Variants in CPNE8 observed in about 807,000 individuals in gnomAD.
CPNE8 encodes copine-8.
In CPNE8, 45 loss-of-function variants were observed where a neutral mutation model predicts 81.5. The observed-to-expected ratio is 0.55, with a 90% CI of 0.44 to 0.71. CPNE8 has a LOEUF of 0.71. CPNE8 is among the 30% of genes least tolerant of loss of function. The probability of loss-of-function intolerance (pLI) is 0.00; values close to 1 mark genes in which losing one functional copy is unlikely to be tolerated. For missense variants in CPNE8, 594 were observed against 672.1 expected, an observed-to-expected ratio of 0.88 and a Z score of 1.28; for synonymous variants, 252 against 226.3, an observed-to-expected ratio of 1.11 and a Z score of -1.02.
chr12:38,698,882 C>T (rs1939861698), intron 14 of CPNE8, among the ~76,000 whole-genome samples: 1 of 152,170 alleles, frequency 6.6e-6, no homozygotes, highest in African/African-American at 2.4e-5. Flanking sequence ...CTTCTGGATC[C>T]TTTGCAATTT....
At chr12:38,891,073 G>A (rs190982316) in intron 1 of CPNE8, among the ~76,000 whole-genome samples, 105 of 151,920 alleles carry the variant, frequency 6.9e-4, no homozygotes, top group African/African-American at 2.3e-3. Context: ...GGGATTATGG[G>A]CACCCACCAC....
intron 17 of CPNE8, among the ~76,000 whole-genome samples, 163 bp from the exon 18 acceptor site, chr12:38,675,937 T>G (rs1339380142): frequency 6.6e-6 from 1 of 150,448 alleles, no homozygotes; most frequent in African/African-American, 2.4e-5. Flanking sequence ...CTGGGCAACA[T>G]AGTGAGACCC....
intron 6 of CPNE8, among the ~76,000 whole-genome samples, chr12:38,793,022 C>G (rs1206126548): frequency 6.6e-6 from 1 of 151,656 alleles, no homozygotes; most frequent in East Asian, 1.9e-4. Context: ...AAGCATTTGA[C>G]AAAATTCCAG....
intron 13 of CPNE8, among the ~76,000 whole-genome samples, chr12:38,705,542 C>G (rs1940083150): frequency 6.6e-6 from 1 of 152,110 alleles, no homozygotes; most frequent in African/African-American, 2.4e-5. Context: ...TGGAGCATAA[C>G]ACTAACCAGC....
intron 11 of CPNE8, among the ~76,000 whole-genome samples, chr12:38,727,610 C>A (rs1940733335): frequency 6.6e-6 from 1 of 152,112 alleles, no homozygotes. Flanking sequence ...AAAGCCTGCT[C>A]AGAGGGAAAT....
At chr12:38,832,774 ACCTGCCT>A (rs1943310467) in intron 5 of CPNE8, among the ~76,000 whole-genome samples, 1 of 152,042 alleles carries the variant, frequency 6.6e-6, no homozygotes, top group African/African-American at 2.4e-5. Context: ...CAGGTGATCC[ACCTGCCT>A]CAGCCTCCCA....
chr12:38,666,835 A>G (rs553929379), intron 19 of CPNE8, among the ~76,000 whole-genome samples: 4 of 152,264 alleles, frequency 2.6e-5, no homozygotes, highest in South Asian at 2.1e-4. Context: ...TTCACTTCTA[A>G]TTAGCTGGGT....
At chr12:38,712,506 C>G (rs1382691753) in intron 13 of CPNE8, among the ~76,000 whole-genome samples, 1 of 152,126 alleles carries the variant, frequency 6.6e-6, no homozygotes, top group Non-Finnish European at 1.5e-5. Context: ...AACCACCATG[C>G]CCAGGCTGCC....
At chr12:38,673,994 T>C (rs1386267610) in intron 18 of CPNE8, among the ~76,000 whole-genome samples, 1 of 152,166 alleles carries the variant, frequency 6.6e-6, no homozygotes, top group African/African-American at 2.4e-5. Context: ...TCTCAAATTC[T>C]GCATTGCTAG....
At chr12:38,854,583 G>GATTT (rs1272280737) in intron 3 of CPNE8, among the ~76,000 whole-genome samples, 1 of 151,928 alleles carries the variant, frequency 6.6e-6, no homozygotes, top group East Asian at 1.9e-4. Context: ...TCGTAGGTGG[G>GATTT]ATTTATCCCT....
intron 16 of CPNE8, 32 bp from the exon 17 acceptor site, chr12:38,677,586 AAC>A: frequency 7.8e-7 from 1 of 1,284,104 alleles, no homozygotes; most frequent in Non-Finnish European, 1.1e-6. Flanking sequence ...AGGAAAGTAA[AAC>A]AGTTTTCTAT....
At chr12:38,812,704 C>T (rs73089563) in intron 6 of CPNE8, among the ~76,000 whole-genome samples, 29,097 of 152,044 alleles carry the variant, frequency 0.19, 4,989 homozygotes, top group African/African-American at 0.46. Context: ...GGCTCCATCC[C>T]CATGAATGGA....
chr12:38,667,469 C>A (rs1939083043), intron 19 of CPNE8, among the ~76,000 whole-genome samples: 1 of 152,154 alleles, frequency 6.6e-6, no homozygotes, highest in Non-Finnish European at 1.5e-5. Context: ...AATTCTTTTA[C>A]ACAATGTGAA....
At chr12:38,759,416 A>G (rs559680809) in intron 10 of CPNE8, among the ~76,000 whole-genome samples, 3 of 152,352 alleles carry the variant, frequency 2.0e-5, no homozygotes, top group Non-Finnish European at 2.9e-5. Flanking sequence ...CAAGTTTAAT[A>G]AAGCAATGGA....
At chr12:38,783,224 C>T (rs1032521076) in intron 6 of CPNE8, among the ~76,000 whole-genome samples, 3 of 152,068 alleles carry the variant, frequency 2.0e-5, no homozygotes, top group Non-Finnish European at 4.4e-5. Context: ...AAATAGAGGG[C>T]TCCATTGATC....
chr12:38,737,190 T>C (rs1352123), intron 10 of CPNE8, among the ~76,000 whole-genome samples: 83,665 of 151,394 alleles, frequency 0.55, 23,671 homozygotes, highest in East Asian at 0.81. Context: ...TATAAAATGA[T>C]GACATATTCA....
chr12:38,702,628 C>T (rs1349431117), intron 14 of CPNE8, among the ~76,000 whole-genome samples: 1 of 151,928 alleles, frequency 6.6e-6, no homozygotes, highest in Non-Finnish European at 1.5e-5. Flanking sequence ...ACATGTAAAA[C>T]AATGACAATA....
chr12:38,691,203 G>C (rs1939667810), intron 15 of CPNE8, among the ~76,000 whole-genome samples: 1 of 152,146 alleles, frequency 6.6e-6, no homozygotes, highest in Non-Finnish European at 1.5e-5. Context: ...TTAAGAGCAT[G>C]AATTCTAAAA....
chr12:38,900,269 C>T (rs1479541607), intron 1 of CPNE8, among the ~76,000 whole-genome samples: 1 of 152,052 alleles, frequency 6.6e-6, no homozygotes, highest in African/African-American at 2.4e-5. Flanking sequence ...GTATAACCAG[C>T]ACAGCTTGAA....
Sources: gnomAD v4.1 joint callset for allele counts (sites outside exome capture counted in the v4.1 genomes callset) on GRCh38, gnomAD v4.1.1 for gene constraint, MANE v1.5 for transcripts, NCBI Gene and HGNC (gene_info 2026-07-23, HGNC 2026-07-21) for gene names.